The following RP1L1 variants were observed in gnomAD, a reference collection of about 807,000 sequenced individuals.
RP1L1 encodes RP1 like 1.
RP1L1 carries 27 observed loss-of-function variants against 15.7 expected under a neutral mutation model. The ratio of observed to expected loss-of-function variants is 1.72; its 90% CI spans 1.27 to 2.38. The LOEUF (loss-of-function observed/expected upper bound fraction) is 2.38. RP1L1 is among the 30% of genes most tolerant of loss of function. RP1L1 has a pLI of 0.00. For missense variants in RP1L1, 4,798 were observed against 3,075.9 expected (o/e 1.56, Z -13.24); for synonymous variants, 1,813 against 1,276.7 (o/e 1.42, Z -8.96).
Position 10,616,430 on chromosome 8 carries a change from C to T in RP1L1, c.751+16G>A, listed in dbSNP as rs756832783. The T allele has an allele frequency of 1.9e-6, 3 of 1,614,164 alleles. No individual in the cohort carries two copies. The highest frequency in any genetic ancestry group is 2.2e-5 in the East Asian group (1 of 44,876). On this transcript the variant is annotated intron_variant, in intron 3 of 3. Coordinates refer to ENST00000382483, the MANE Select transcript of RP1L1 (RefSeq NM_178857.6). ...GCAGTGCAAATCAGATGGGGGAAAC[C>T]CAAAAACCAACTCACCGTTTTTGTT...
intron 1 of RP1L1, among the ~76,000 whole-genome samples, chr8:10,638,794 T>A (rs774582380): frequency 1.3e-5 from 2 of 152,106 alleles, no homozygotes; most frequent in Non-Finnish European, 2.9e-5. Flanking sequence ...CAGTGGATCA[T>A]TAAGAAGCTG....
chr8:10,630,759 G>C (rs1016945555), intron 1 of RP1L1, among the ~76,000 whole-genome samples: 4 of 152,198 alleles, frequency 2.6e-5, no homozygotes, highest in African/African-American at 4.8e-5. Flanking sequence ...ATTTTAAAAA[G>C]CTCTCCAGGT....
chr8:10,640,675 T>C (rs1351096044), intron 1 of RP1L1, among the ~76,000 whole-genome samples: 1 of 150,970 alleles, frequency 6.6e-6, no homozygotes, highest in Non-Finnish European at 1.5e-5. Flanking sequence ...ATAATTATTA[T>C]TATTAATATT....
intron 1 of RP1L1, among the ~76,000 whole-genome samples, chr8:10,629,711 C>T (rs184808405): frequency 6.6e-6 from 1 of 152,258 alleles, no homozygotes; most frequent in Non-Finnish European, 1.5e-5. Flanking sequence ...CACTCCCACG[C>T]TGGCATGGGG....
chr8:10,611,268 A>G lies in RP1L1; in HGVS notation c.2830T>C (p.Ser944Pro). The G allele has an allele frequency of 6.2e-7, 1 of 1,612,874 alleles. No individual in the cohort carries two copies. The change falls in exon 4 of 4, where the codon TCA becomes CCA. Residue 944 changes from serine (S) to proline (P), a missense_variant. Transcript: ENST00000382483. Reference sequence around the variant, plus strand: ...GACGAGCGGGGCAGAGAGCTGGGTGACACACCACTGGCCTCCTCCTGCCCC... The same window carrying G: ...GACGAGCGGGGCAGAGAGCTGGGTGGCACACCACTGGCCTCCTCCTGCCCC... ...PQGQEEASGVSPSSLPRSSPE... is the reference protein window; with the variant it reads ...PQGQEEASGVPPSSLPRSSPE...
Position 10,609,278 on chromosome 8 carries a change from C to G in RP1L1, c.4820G>C (p.Arg1607Thr), listed in dbSNP as rs1314773931. 6.2e-7 allele frequency: 1 copy of G among 1,609,966 alleles called. No homozygotes were observed. Among genetic ancestry groups the G allele is most frequent in the Non-Finnish European group, 8.5e-7 (1 of 1,179,702 alleles). ...GTTTCGCAGGCCCCGGAGACGGTGT[C>G]TGCGCTGCTGGGTCTGCAGGAGCAG... ...GELLLQTQQR[R>T]HRLRGLRNLS... Residue 1607 changes from arginine to threonine, a missense_variant, in exon 4 of 4, where the codon AGA (arginine) becomes ACA (threonine). Arg to Thr is a moderately conservative substitution (Grantham distance 71). Coordinates refer to ENST00000382483, the MANE Select transcript of RP1L1 (RefSeq NM_178857.6).
At chr8:10,642,320 G>A (rs1047266174) in intron 1 of RP1L1, among the ~76,000 whole-genome samples, 1 of 152,110 alleles carries the variant, frequency 6.6e-6, no homozygotes, top group African/African-American at 2.4e-5. Context: ...TAAAACTACT[G>A]TCCCAAATTC....
intron 1 of RP1L1, among the ~76,000 whole-genome samples, chr8:10,629,142 C>A (rs11986177): frequency 0.12 from 18,853 of 152,194 alleles, 1,516 homozygotes; most frequent in African/African-American, 0.21. Context: ...ATAATAAAAC[C>A]CAGGACAGGT....
At chr8:10,646,347 G>A (rs575605119) in intron 1 of RP1L1, among the ~76,000 whole-genome samples, 9 of 152,348 alleles carry the variant, frequency 5.9e-5, no homozygotes, top group Non-Finnish European at 1.2e-4. Context: ...CCCAGAAGCA[G>A]ACACCAGGGC....
rs756188221 is a variant in RP1L1, at chr8:10,610,911, C to G, written c.3187G>C (p.Glu1063Gln). Residue 1063 changes from glutamate to glutamine, a missense_variant, in exon 4 of 4, where the codon GAG becomes CAG. Transcript: ENST00000382483. ...EAPAEAGADREAPAGCRVSLR... is the reference protein window; with the variant it reads ...EAPAEAGADRQAPAGCRVSLR... ...CTCACCCTGCAGCCTGCTGGGGCCT[C>G]TCTGTCTGCTCCGGCCTCTGCAGGG... 8.1e-6 allele frequency: 13 copies of G among 1,610,844 alleles called. No individual in the cohort carries two copies. Among genetic ancestry groups the G allele is most frequent in the African/African-American group, 8.0e-5 (6 of 74,896 alleles).
intron 2 of RP1L1, chr8:10,621,498 G>C (rs932175115): frequency 6.3e-6 from 2 of 319,802 alleles, no homozygotes; most frequent in Non-Finnish European, 1.2e-5. Context: ...GCTAATTTTT[G>C]TATTTTTAGT....
At chr8:10,625,939 G>T (rs1585984153) in intron 1 of RP1L1, among the ~76,000 whole-genome samples, 1 of 151,974 alleles carries the variant, frequency 6.6e-6, no homozygotes, top group African/African-American at 2.4e-5. Flanking sequence ...GAAAAGGAGG[G>T]GGCGGTGCCG....
chr8:10,639,718 GCAAGCCTT>G (rs1798380938), intron 1 of RP1L1, among the ~76,000 whole-genome samples: 1 of 152,116 alleles, frequency 6.6e-6, no homozygotes, highest in African/African-American at 2.4e-5. Context: ...GAATCTTATT[GCAAGCCTT>G]TCTGTTTCAT....
At chr8:10,651,755 T>TA (rs56269757) in intron 1 of RP1L1, among the ~76,000 whole-genome samples, 4,613 of 101,718 alleles carry the variant, frequency 0.045, 435 homozygotes, top group East Asian at 0.25. Flanking sequence ...GACTCCGTCT[T>TA]AAAAAAAAAA....
At chr8:10,646,206 T>C (rs73198797) in intron 1 of RP1L1, among the ~76,000 whole-genome samples, 2 of 152,318 alleles carry the variant, frequency 1.3e-5, no homozygotes, top group South Asian at 4.1e-4. Flanking sequence ...GGCATCCCCA[T>C]GCCAACTTTG....
chr8:10,623,557 C>A (rs983047145), intron 1 of RP1L1, among the ~76,000 whole-genome samples: 16 of 151,802 alleles, frequency 1.1e-4, no homozygotes, highest in Admixed American at 6.6e-5. Flanking sequence ...CAACCATGTC[C>A]CCAGCACCTC....
At chr8:10,632,814 T>C (rs931045857) in intron 1 of RP1L1, among the ~76,000 whole-genome samples, 1 of 151,820 alleles carries the variant, frequency 6.6e-6, no homozygotes, top group African/African-American at 2.4e-5. Context: ...AGATGAGGAG[T>C]TGGAAGCCTT....
Position 10,607,773 on chromosome 8 carries a change from C to G in RP1L1, c.6325G>C (p.Glu2109Gln). The G allele has an allele frequency of 6.2e-7, 1 of 1,610,880 alleles. No homozygotes were observed. The highest frequency in any genetic ancestry group is 2.2e-5 in the East Asian group (1 of 44,556). ...EGVEAPEAEGEAQKAEGIEAP... is the reference protein window; with the variant it reads ...EGVEAPEAEGQAQKAEGIEAP... ...TCTATACCTTCTGCCTTCTGGGCCTCCCCTTCTGCCTCTGGGGCCTCTACA... is the reference window on the plus strand; with the variant it reads ...TCTATACCTTCTGCCTTCTGGGCCTGCCCTTCTGCCTCTGGGGCCTCTACA... The change falls in exon 4 of 4, where the codon GAG becomes CAG. Residue 2109 changes from glutamate to glutamine, a missense_variant. Coordinates refer to ENST00000382483, the MANE Select transcript of RP1L1 (RefSeq NM_178857.6).
In RP1L1 at chr8:10,613,221, G is replaced by C. The variant is rs768191638; in HGVS notation, c.877C>G (p.Pro293Ala). 6 of 1,613,240 alleles carry C rather than the reference G, an allele frequency of 3.7e-6. No homozygotes were observed. In the African/African-American group the frequency reaches 6.7e-5, roughly 18 times the overall value. ...CCCGACTGAGCTGGCGTGTCCTGAGGGTGCCTGCCAGGAGCAGGGCCCACC... is the reference window on the plus strand; with the variant it reads ...CCCGACTGAGCTGGCGTGTCCTGAGCGTGCCTGCCAGGAGCAGGGCCCACC... ...PPVGPAPGRH[P>A]QDTPAQSGPL... The change falls in exon 4 of 4, where the codon CCT becomes GCT. Residue 293 changes from proline (P) to alanine (A), a missense_variant. Physicochemically the swap from Pro to Ala is conservative, Grantham distance 27 (BLOSUM62 -1). Transcript: ENST00000382483.
Sources: gnomAD v4.1 joint callset for allele counts (sites outside exome capture counted in the v4.1 genomes callset) on GRCh38, gnomAD v4.1.1 for gene constraint, MANE v1.5 for transcripts, NCBI Gene and HGNC (gene_info 2026-07-23, HGNC 2026-07-21) for gene names.